LETM1: variants seen among roughly 807,000 people sequenced by gnomAD.
The protein encoded by LETM1 is leucine zipper and EF-hand containing transmembrane protein 1, also known as mitochondrial proton/calcium exchanger protein.
LETM1 carries 50 observed loss-of-function variants against 74.5 expected under a neutral mutation model. The observed-to-expected ratio is 0.67, with a 90% CI of 0.53 to 0.85. The LOEUF (loss-of-function observed/expected upper bound fraction) is 0.85, where lower values mean the gene tolerates loss of function less well. LETM1 is among the 40% of genes least tolerant of loss of function. LETM1 has a pLI of 0.00. For synonymous variants in LETM1, 446 were observed against 407.1 expected, an observed-to-expected ratio of 1.10 and a Z score of -1.15; for missense variants, 824 against 967.8, an observed-to-expected ratio of 0.85 and a Z score of 1.97.
chr4:1,850,518 G>T (rs776217125), intron 1 of LETM1, among the ~76,000 whole-genome samples: 1 of 151,700 alleles, frequency 6.6e-6, no homozygotes, highest in Admixed American at 6.6e-5. Context: ...TACTACAACC[G>T]GACCGGGCGC....
chr4:1,844,407 G>A (rs1712810106), intron 2 of LETM1, among the ~76,000 whole-genome samples: 1 of 152,216 alleles, frequency 6.6e-6, no homozygotes, highest in South Asian at 2.1e-4. Context: ...GCTGGAAGCT[G>A]CTACATAATG....
At position 1,836,493 on chromosome 4, in the gene LETM1, A is replaced by C; in HGVS notation, c.674T>G (p.Leu225Arg). The C allele has an allele frequency of 6.2e-7, 1 of 1,614,102 alleles. No homozygotes were observed. The highest frequency in any genetic ancestry group is 8.5e-7 in the Non-Finnish European group (1 of 1,180,016). The change falls in exon 4 of 14, where the codon CTG becomes CGG. Residue 225 changes from leucine (L) to arginine (R), a missense_variant. Physicochemically the swap from Leu to Arg is moderately radical, Grantham distance 102. This residue lies in a region of LETM1 where 269 missense variants were observed against 348.8 expected (regional missense o/e 0.77). Transcript: ENST00000302787. This position sits in a 1 kb window ranked among gnomAD's most constrained non-coding sequence, Gnocchi z 5.8. The stretch of plus-strand genomic sequence containing the variant: ...GGGGAAGAGCTTCACAGCAACAGGC[A>C]GCAGAAACTCCATGAACGGCACCAC... ...FVVVPFMEFL[L>R]PVAVKLFPNM...
At chr4:1,819,204 C>T (rs1365721788) in intron 11 of LETM1, 134 bp downstream of exon 11, 10 of 853,584 alleles carry the variant, frequency 1.2e-5, no homozygotes, top group South Asian at 9.4e-5. Context: ...TTATTTATAA[C>T]GTGCTTTCCT....
In LETM1 at chr4:1,828,540, G is replaced by A. The variant is rs1461520884; in HGVS notation, c.1081-2857C>T. Among the ~76,000 whole-genome samples the A allele has an allele frequency of 5.3e-5, 6 of 112,282 alleles. 1 individual carries two copies. The highest frequency in any genetic ancestry group is 2.4e-4 in the African/African-American group (6 of 25,412). The allele number at this position is 112,282 out of a possible 152,430, so 73.7% of individuals were successfully genotyped here. On this transcript the variant is annotated intron_variant, in intron 6 of 13. Transcript: ENST00000302787. Reference sequence around the variant, plus strand: ...CCCCCACCTCCCTCCCGGACGGGGCGGCTGGCCGGGCGGGGGCTGACCCCC... The same window carrying A: ...CCCCCACCTCCCTCCCGGACGGGGCAGCTGGCCGGGCGGGGGCTGACCCCC...
intron 7 of LETM1, among the ~76,000 whole-genome samples, chr4:1,824,595 C>G (rs982355532): frequency 4.4e-5 from 6 of 135,872 alleles, no homozygotes; most frequent in African/African-American, 1.7e-4. Context: ...AGAACAAACC[C>G]TAAGAGAAGA....
chr4:1,815,709 C>T lies in LETM1; in HGVS notation c.2025G>A (p.Leu675=). The T allele has an allele frequency of 6.2e-7, 1 of 1,614,236 alleles. No homozygotes were observed. Among genetic ancestry groups the T allele is most frequent in the South Asian group, 1.1e-5 (1 of 91,086 alleles). Residue 675 remains leucine, a synonymous_variant, in exon 13 of 14, where the codon CTG becomes CTA. Transcript: ENST00000302787. ...TGACCTTGCCATCCTTGTTTTCATC[C>T]AGTGCTGCGGCCAGGCTGGTGAGCT... ...ESKLTSLAAA[L]DENKDGKVNI... is the part of the protein sequence containing the mutation.
chr4:1,822,676 C>A (rs1231814226), intron 9 of LETM1: 1 of 350,674 alleles, frequency 2.9e-6, no homozygotes, highest in African/African-American at 2.1e-5. Flanking sequence ...GCCTGCAGCT[C>A]CTCTGCCAGC....
At chr4:1,848,593 G>A (rs1384380605) in intron 2 of LETM1, among the ~76,000 whole-genome samples, 3 of 150,332 alleles carry the variant, frequency 2.0e-5, no homozygotes, top group African/African-American at 4.9e-5. Flanking sequence ...AGGCATGCCT[G>A]CAATCCCAGC....
chr4:1,846,967 G>A (rs1395104348), intron 2 of LETM1, among the ~76,000 whole-genome samples: 2 of 152,142 alleles, frequency 1.3e-5, no homozygotes, highest in African/African-American at 4.8e-5. Flanking sequence ...ACTTAGAAAA[G>A]ATAATGAAAA....
chr4:1,847,824 CA>C (rs778839346), intron 2 of LETM1, among the ~76,000 whole-genome samples: 695 of 41,948 alleles, frequency 0.017, 1 homozygote, highest in African/African-American at 0.038. Context: ...AACTCGGTCT[CA>C]AAAAAAAAAA....
intron 3 of LETM1, 130 bp downstream of exon 3, chr4:1,841,217 T>A (rs1712675458): frequency 2.6e-6 from 2 of 776,506 alleles, no homozygotes; most frequent in Non-Finnish European, 4.1e-6. Context: ...TGGTGGCACA[T>A]GCCTGTGGTC....
chr4:1,832,769 A>G lies in LETM1; in HGVS notation c.1055T>C (p.Leu352Pro). The G allele has an allele frequency of 6.2e-7, 1 of 1,614,224 alleles. No individual in the cohort carries two copies. The highest frequency in any genetic ancestry group is 8.5e-7 in the Non-Finnish European group (1 of 1,180,040). The change falls in exon 6 of 14, where the codon CTG becomes CCG. Residue 352 changes from leucine to proline, a missense_variant. By Grantham distance (98) the Leu-to-Pro change is moderately conservative. Transcript: ENST00000302787. The stretch of plus-strand genomic sequence containing the variant: ...CTTGTCGTCTGCCTTTATGGAGCGC[A>G]GCCGCATGGTAAGCTGGAAGCGCAG... ...NFLRFQLTMR[L>P]RSIKADDKLI...
intron 3 of LETM1, among the ~76,000 whole-genome samples, chr4:1,837,752 G>A (rs1003656197): frequency 7.2e-6 from 1 of 138,320 alleles, no homozygotes. Flanking sequence ...CACCCAGGCT[G>A]GAGTGCAATC....
At chr4:1,855,734 T>A (rs1461934174) in intron 1 of LETM1, 135 bp downstream of exon 1, 2 of 483,886 alleles carry the variant, frequency 4.1e-6, no homozygotes, top group Non-Finnish European at 6.2e-6. Flanking sequence ...GGCCCCACGG[T>A]CCCGCAGGGG....
intron 3 of LETM1, among the ~76,000 whole-genome samples, chr4:1,837,014 T>A (rs1200358078): frequency 1.3e-5 from 2 of 152,100 alleles, no homozygotes; most frequent in Non-Finnish European, 2.9e-5. Context: ...AAGACTATAC[T>A]ACAAAGCAAT....
chr4:1,815,610 A>G, intron 13 of LETM1, 54 bp downstream of exon 13: 1 of 1,600,836 alleles, frequency 6.2e-7, no homozygotes, highest in Non-Finnish European at 8.5e-7. Flanking sequence ...CCCCTGCCCC[A>G]CCCCACTCCA....
chr4:1,826,888 A>G (rs192309099), intron 6 of LETM1, among the ~76,000 whole-genome samples: 68 of 152,294 alleles, frequency 4.5e-4, no homozygotes, highest in Non-Finnish European at 7.6e-4. Flanking sequence ...GACGCAGCTC[A>G]CTGTAGTGCA....
In LETM1 at chr4:1,819,563, G is replaced by A. The variant is rs11943072; in HGVS notation, c.1609-91C>T. On this transcript the variant is annotated intron_variant, in intron 10 of 13. Coordinates refer to ENST00000302787, the MANE Select transcript of LETM1 (RefSeq NM_012318.3). ...ACCAGCTGCTCTGTTCATATTATAC[G>A]GGCAGCCCAGGGCAAGAGTCTCACT... is the stretch of plus-strand genomic sequence containing the variant. The A allele has an allele frequency of 7.9e-3, 10,946 of 1,381,192 alleles. 690 individuals are homozygous for A. The African/African-American group carries it at 0.14, about 18-fold the overall frequency. The allele number at this position is 1,381,192 out of a possible 1,614,324, so 85.6% of individuals were successfully genotyped here.
chr4:1,818,114 T>TC (rs1711635424), intron 11 of LETM1, among the ~76,000 whole-genome samples: 1 of 152,060 alleles, frequency 6.6e-6, no homozygotes, highest in African/African-American at 2.4e-5. Flanking sequence ...GTTGTTTTTT[T>TC]CCCACGAGTA....
Sources: allele counts gnomAD v4.1 joint callset (sites outside exome capture counted in the v4.1 genomes callset), GRCh38; gene constraint gnomAD v4.1.1; regional missense constraint gnomAD v4.1.1; non-coding constraint Gnocchi (gnomAD v3.1); transcripts MANE v1.5; gene names NCBI Gene and HGNC (gene_info 2026-07-23, HGNC 2026-07-21).